The following SPMIP6 variants were observed in gnomAD, a reference collection of about 807,000 sequenced individuals.
The protein encoded by SPMIP6 is ciliated bronchial epithelial protein 1.
At chr9:34,385,814 G>T in the SPMIP6 span, 1 of 1,600,262 alleles carries the variant, frequency 6.2e-7, no homozygotes, top group South Asian at 1.1e-5. Context: ...AGTGGTTAGG[G>T]GCACAGAGAC....
the SPMIP6 span, chr9:34,380,846 C>A: frequency 3.7e-5 from 27 of 721,902 alleles, no homozygotes; most frequent in East Asian, 2.9e-4. Flanking sequence ...GGTTCTGGGG[C>A]GGGGCTTGTG....
the SPMIP6 span, chr9:34,380,789 G>A: frequency 3.2e-4 from 496 of 1,543,910 alleles, 2 homozygotes; most frequent in Middle Eastern, 1.6e-3. Context: ...CGGGGCTAGA[G>A]CAGGCTGGGG....
At chr9:34,396,139 G>A in the SPMIP6 span, among the ~76,000 whole-genome samples, 2 of 152,108 alleles carry the variant, frequency 1.3e-5, 1 homozygote, top group Admixed American at 1.3e-4. Flanking sequence ...ACACCATTTT[G>A]TAATAAATTT....
chr9:34,396,833 C>T, the SPMIP6 span, among the ~76,000 whole-genome samples: 4 of 152,214 alleles, frequency 2.6e-5, no homozygotes, highest in African/African-American at 9.7e-5. Flanking sequence ...TCCTCAAAGG[C>T]AAGGGCTGGC....
the SPMIP6 span, chr9:34,381,392 C>T: frequency 1.2e-6 from 2 of 1,614,032 alleles, no homozygotes; most frequent in Admixed American, 1.7e-5. The surrounding 1 kb of genome is among the most constrained non-coding windows in gnomAD (Gnocchi z 4.4). Context: ...CCGCTCCGGC[C>T]TAGGAGGGCA....
chr9:34,393,722 T>C, the SPMIP6 span, among the ~76,000 whole-genome samples: 2 of 152,160 alleles, frequency 1.3e-5, no homozygotes, highest in Non-Finnish European at 1.5e-5. Context: ...TGGGATCTTC[T>C]CATTCTGTCT....
the SPMIP6 span, among the ~76,000 whole-genome samples, chr9:34,394,966 CTTTTTTTTTTTT>C: frequency 6.9e-6 from 1 of 144,216 alleles, no homozygotes; most frequent in Non-Finnish European, 1.5e-5. Context: ...TTCCTTCATT[CTTTTTTTTTTTT>C]TTTAAGAGAC....
At chr9:34,384,569 A>C in the SPMIP6 span, among the ~76,000 whole-genome samples, 11 of 152,156 alleles carry the variant, frequency 7.2e-5, 1 homozygote, top group Admixed American at 5.2e-4. Flanking sequence ...AGTCCTGTGG[A>C]TTTGGTAATC....
At chr9:34,385,302 C>T in the SPMIP6 span, among the ~76,000 whole-genome samples, 11 of 151,790 alleles carry the variant, frequency 7.2e-5, no homozygotes, top group African/African-American at 1.7e-4. Context: ...GAGGCCGAGG[C>T]GGGCAGATCA....
chr9:34,380,758 G>C, the SPMIP6 span: 3 of 1,548,320 alleles, frequency 1.9e-6, no homozygotes, highest in Non-Finnish European at 2.6e-6. Context: ...GGACACGGCA[G>C]GGCCTCGAGA....
chr9:34,389,228 T>C, the SPMIP6 span, among the ~76,000 whole-genome samples: 1 of 152,088 alleles, frequency 6.6e-6, no homozygotes, highest in Non-Finnish European at 1.5e-5. Flanking sequence ...GCACCTGGCT[T>C]TTACTTTTCT....
chr9:34,395,257 A>G, the SPMIP6 span, among the ~76,000 whole-genome samples: 38 of 152,232 alleles, frequency 2.5e-4, no homozygotes, highest in East Asian at 1.5e-3. Context: ...CTGAGACACC[A>G]TGCCTGGCTT....
At chr9:34,397,365 G>T in the SPMIP6 span, 1 of 996,584 alleles carries the variant, frequency 1.0e-6, no homozygotes, top group Non-Finnish European at 1.6e-6. Flanking sequence ...ACATACCATT[G>T]TAAATTCTGT....
chr9:34,382,871 T>C, the SPMIP6 span: 2 of 1,588,610 alleles, frequency 1.3e-6, no homozygotes, highest in Non-Finnish European at 1.7e-6. Flanking sequence ...ATTTGTCTGC[T>C]GGATAATAGG....
the SPMIP6 span, chr9:34,381,123 C>T: frequency 6.3e-7 from 1 of 1,589,040 alleles, no homozygotes; most frequent in East Asian, 2.3e-5. This position sits in a 1 kb window ranked among gnomAD's most constrained non-coding sequence, Gnocchi z 4.4. Flanking sequence ...TTCACCATCA[C>T]TTCGCGCTCT....
the SPMIP6 span, among the ~76,000 whole-genome samples, chr9:34,388,900 C>T: frequency 6.8e-6 from 1 of 146,882 alleles, no homozygotes; most frequent in African/African-American, 2.5e-5. Flanking sequence ...CTGTTTGTGG[C>T]TTCTGTCTTT....
At chr9:34,393,985 C>T in the SPMIP6 span, among the ~76,000 whole-genome samples, 3 of 149,454 alleles carry the variant, frequency 2.0e-5, no homozygotes, top group Admixed American at 6.7e-5. Flanking sequence ...TTAATGATTT[C>T]GTATTTTTAT....
At chr9:34,383,396 C>T in the SPMIP6 span, among the ~76,000 whole-genome samples, 3 of 152,142 alleles carry the variant, frequency 2.0e-5, no homozygotes, top group African/African-American at 7.2e-5. Context: ...GGTTGGTGTG[C>T]GCCTGTAAAC....
the SPMIP6 span, among the ~76,000 whole-genome samples, chr9:34,395,335 A>G: frequency 6.6e-6 from 1 of 152,190 alleles, no homozygotes; most frequent in Non-Finnish European, 1.5e-5. Flanking sequence ...CTGTCTGGCT[A>G]AGTTACCAAG....
Sources: gnomAD v4.1 joint callset for allele counts (sites outside exome capture counted in the v4.1 genomes callset) on GRCh38, gnomAD v4.1.1 for gene constraint, Gnocchi (gnomAD v3.1) non-coding constraint, MANE v1.5 for transcripts, NCBI Gene and HGNC (gene_info 2026-07-23, HGNC 2026-07-21) for gene names.